The following DYRK1A variants were observed in gnomAD, a reference collection of about 807,000 sequenced individuals.
DYRK1A encodes dual specificity tyrosine-phosphorylation-regulated kinase 1A.
Under a neutral mutation model 79.7 loss-of-function variants are expected in DYRK1A, and 9 were observed. The observed-to-expected ratio is 0.11, with a 90% CI of 0.07 to 0.20. The LOEUF (loss-of-function observed/expected upper bound fraction) is 0.20. Ranked by LOEUF, DYRK1A falls within the 10% of genes least tolerant of loss-of-function variation. The probability of loss-of-function intolerance (pLI) is 1.00; values close to 1 mark genes in which losing one functional copy is unlikely to be tolerated. For synonymous variants in DYRK1A, 349 were observed against 329.7 expected (o/e 1.06, Z -0.63); for missense variants, 622 against 956.0 (o/e 0.65, Z 4.61).
At chr21:37,411,615 C>T (rs2148414966) in intron 1 of DYRK1A, among the ~76,000 whole-genome samples, 1 of 152,270 alleles carries the variant, frequency 6.6e-6, no homozygotes, top group Middle Eastern at 3.4e-3. Context: ...AGGATTGTGA[C>T]AGTGTGACTA....
rs1262167883 is a variant in DYRK1A at position 37,515,486 on chromosome 21, T to A, written c.*2955T>A. 1 of 152,236 alleles carries A rather than the reference T, an allele frequency of 6.6e-6. No homozygotes were observed. Among genetic ancestry groups the A allele is most frequent in the Non-Finnish European group, 1.5e-5 (1 of 68,046 alleles). 9.4% of individuals were successfully genotyped at this position (152,236 alleles called of 1,614,324 possible). On this transcript the variant is annotated 3_prime_UTR_variant, in exon 12 of 12. Transcript: ENST00000647188. The stretch of plus-strand genomic sequence containing the variant: ...ATTTCGACTGGATGTGAGGGTCTGA[T>A]GGTTTTCTCTGATATGCTTTGACGT...
At chr21:37,505,616 C>A in intron 10 of DYRK1A, 27 bp downstream of exon 10, 1 of 1,540,974 alleles carries the variant, frequency 6.5e-7, no homozygotes. Flanking sequence ...TTAGATTAGG[C>A]TTGGGAATGT....
Position 37,403,661 on chromosome 21 carries a change from ATATGTGTGTGTGTGTG to A in DYRK1A, c.-76-16636_-76-16621del, listed in dbSNP as rs1187603866. 8.8e-5 allele frequency among the ~76,000 whole-genome samples: 10 copies of A among 113,344 alleles called. 1 individual carries two copies. The East Asian group carries it at 1.6e-3, about 18-fold the overall frequency. 74.4% of individuals were successfully genotyped at this position (113,344 alleles called of 152,430 possible). On this transcript the variant is annotated intron_variant, in intron 1 of 11. Coordinates refer to ENST00000647188, the MANE Select transcript of DYRK1A (RefSeq NM_001347721.2). ...AAAAAAAAAAAAAATATATATATAT[ATATGTGTGTGTGTGTG>A]TGTGTGTGTGTGTGTGTGTGTGTTC...
intron 2 of DYRK1A, among the ~76,000 whole-genome samples, chr21:37,444,491 C>G (rs565384020): frequency 4.6e-5 from 7 of 152,204 alleles, no homozygotes; most frequent in African/African-American, 1.7e-4. Context: ...CAGGTGTAGA[C>G]CTGTGACAAT....
chr21:37,397,584 T>G (rs1339672390), intron 1 of DYRK1A, among the ~76,000 whole-genome samples: 1 of 152,184 alleles, frequency 6.6e-6, no homozygotes, highest in Non-Finnish European at 1.5e-5. Context: ...AGTAAACTAG[T>G]CCTATAAAAG....
At chr21:37,451,034 T>A (rs1376168842) in intron 2 of DYRK1A, among the ~76,000 whole-genome samples, 1 of 152,242 alleles carries the variant, frequency 6.6e-6, no homozygotes, top group Non-Finnish European at 1.5e-5. Flanking sequence ...TACGTGTATG[T>A]GTATCTTAAT....
At chr21:37,478,063 G>T in intron 3 of DYRK1A, 145 bp from the exon 4 acceptor site, 1 of 1,094,516 alleles carries the variant, frequency 9.1e-7, no homozygotes, top group African/African-American at 1.6e-5. Context: ...GGAACTTTGA[G>T]AGAGAATGTA....
intron 1 of DYRK1A, among the ~76,000 whole-genome samples, chr21:37,412,933 A>G (rs1194357761): frequency 6.6e-6 from 1 of 152,166 alleles, no homozygotes; most frequent in African/African-American, 2.4e-5. Context: ...TTTGGAGTAA[A>G]CCATTGAAAA....
At chr21:37,506,043 T>C in intron 10 of DYRK1A, 56 bp from the exon 11 acceptor site, 1 of 1,561,298 alleles carries the variant, frequency 6.4e-7, no homozygotes, top group Non-Finnish European at 8.7e-7. Flanking sequence ...AGTATAAATT[T>C]GAACAAAATG....
At chr21:37,445,299 T>A (rs1028186208) in intron 2 of DYRK1A, among the ~76,000 whole-genome samples, 1 of 152,156 alleles carries the variant, frequency 6.6e-6, no homozygotes, top group East Asian at 1.9e-4. Context: ...CGGAAAGTAA[T>A]GGAACTATTT....
At chr21:37,507,595 T>C (rs1355391869) in intron 11 of DYRK1A, among the ~76,000 whole-genome samples, 2 of 152,140 alleles carry the variant, frequency 1.3e-5, no homozygotes, top group African/African-American at 4.8e-5. Context: ...CATTTGGCAG[T>C]GTTGACTTTT....
chr21:37,448,687 A>C (rs956748446), intron 2 of DYRK1A, among the ~76,000 whole-genome samples: 1 of 152,126 alleles, frequency 6.6e-6, no homozygotes, highest in Non-Finnish European at 1.5e-5. Context: ...CAAGTATTTA[A>C]AATTTTTTTT....
At chr21:37,446,457 C>T (rs756358948) in intron 2 of DYRK1A, among the ~76,000 whole-genome samples, 3 of 152,132 alleles carry the variant, frequency 2.0e-5, no homozygotes, top group Non-Finnish European at 2.9e-5. Context: ...TTTAGAAAAT[C>T]ATTTAAATTG....
chr21:37,400,063 AG>A (rs760815330), intron 1 of DYRK1A, among the ~76,000 whole-genome samples: 1 of 152,310 alleles, frequency 6.6e-6, no homozygotes, highest in East Asian at 1.9e-4. Context: ...TGGCAGGGCC[AG>A]GGCTGTGCTT....
At position 37,512,066 on chromosome 21, in the gene DYRK1A, T is replaced by TCACCAC. The variant is rs760576043; in HGVS notation, c.1812_1817dup (p.His609_His610dup). On this transcript the variant is annotated inframe_insertion, in exon 12 of 12. Coordinates refer to ENST00000647188, the MANE Select transcript of DYRK1A (RefSeq NM_001347721.2). ...ACCATGGTAACAGTTCCCATCACCA[T>TCACCAC]CACCACCACCACCACCATCACCACC... The TCACCAC allele has an allele frequency of 9.0e-5, 145 of 1,613,720 alleles. No individual in the cohort carries two copies. The highest frequency in any genetic ancestry group is 1.1e-4 in the Non-Finnish European group (132 of 1,179,918).
chr21:37,510,288 A>G (rs945739194), intron 11 of DYRK1A, among the ~76,000 whole-genome samples: 6 of 152,130 alleles, frequency 3.9e-5, no homozygotes, highest in African/African-American at 1.2e-4. Flanking sequence ...TCATATAAAA[A>G]CCATATAGTA....
chr21:37,505,454 T>C lies in DYRK1A; in HGVS notation c.1384T>C (p.Tyr462His), dbSNP rs2053568058. ...TGACCCCAAAACTCGAATTCAACCT[T>C]ATTATGCTCTGCAGCACAGTTTCTT... ...DYDPKTRIQP[Y>H]YALQHSFFKK... Residue 462 changes from tyrosine (Y) to histidine (H), a missense_variant, in exon 10 of 12, where the codon TAT (tyrosine) becomes CAT (histidine). Physicochemically the swap from Tyr to His is moderately conservative, Grantham distance 83 (BLOSUM62 2). Around this residue, in one of 5 missense-constraint regions of DYRK1A, gnomAD observed 21 missense variants for 62.5 expected, o/e 0.34. Transcript: ENST00000647188. 1 of 1,614,052 alleles carries C rather than the reference T, an allele frequency of 6.2e-7. No homozygotes were observed. Among genetic ancestry groups the C allele is most frequent in the Non-Finnish European group, 8.5e-7 (1 of 1,180,034 alleles).
At chr21:37,482,410 A>G (rs190874685) in intron 5 of DYRK1A, among the ~76,000 whole-genome samples, 320 of 152,320 alleles carry the variant, frequency 2.1e-3, no homozygotes, top group African/African-American at 7.6e-3. Context: ...CTGATGCCCC[A>G]CAAGCCGCAA....
chr21:37,448,835 T>TA (rs1055874458), intron 2 of DYRK1A, among the ~76,000 whole-genome samples: 25 of 152,164 alleles, frequency 1.6e-4, no homozygotes, highest in African/African-American at 5.8e-4. Context: ...TAGCTGGGAC[T>TA]ATAGGCACAT....
Sources: allele counts gnomAD v4.1 joint callset (sites outside exome capture counted in the v4.1 genomes callset), GRCh38; gene constraint gnomAD v4.1.1; regional missense constraint gnomAD v4.1.1; transcripts MANE v1.5; gene names NCBI Gene and HGNC (gene_info 2026-07-23, HGNC 2026-07-21).